The following SH3GL2 variants were observed in gnomAD, a reference collection of about 807,000 sequenced individuals.
The protein encoded by SH3GL2 is SH3 domain containing GRB2 like 2, endophilin A1.
Under a neutral mutation model 46.0 loss-of-function variants are expected in SH3GL2, and 24 were observed. The observed-to-expected ratio is 0.52, with a 90% CI of 0.38 to 0.73. SH3GL2 has a LOEUF of 0.73. Among genes scored for constraint, SH3GL2 ranks in the 30% least tolerant of loss-of-function variants. The pLI is 0.00. For missense variants in SH3GL2, 413 were observed against 424.2 expected (o/e 0.97, Z 0.23); for synonymous variants, 196 against 147.1 (o/e 1.33, Z -2.40).
intron 2 of SH3GL2, among the ~76,000 whole-genome samples, chr9:17,747,959 C>G (rs1187921818): frequency 2.0e-5 from 3 of 152,130 alleles, no homozygotes; most frequent in Non-Finnish European, 4.4e-5. Flanking sequence ...CAGGCATGAA[C>G]CACTGCACCC....
At chr9:17,663,687 A>AATTGTTCCAAGG (rs1441051126) in intron 1 of SH3GL2, among the ~76,000 whole-genome samples, 1 of 152,230 alleles carries the variant, frequency 6.6e-6, no homozygotes, top group Non-Finnish European at 1.5e-5. Context: ...GTATAAATTT[A>AATTGTTCCAAGG]CTGAGGAACA....
At chr9:17,581,919 G>C (rs752089942) in intron 1 of SH3GL2, among the ~76,000 whole-genome samples, 4 of 152,038 alleles carry the variant, frequency 2.6e-5, no homozygotes, top group South Asian at 2.1e-4. Flanking sequence ...GGCTGGTCTC[G>C]AACTCCTGAC....
At chr9:17,792,000 A>T in intron 7 of SH3GL2, among the ~76,000 whole-genome samples, 1 of 152,136 alleles carries the variant, frequency 6.6e-6, no homozygotes, top group East Asian at 1.9e-4. Flanking sequence ...ATGTTATAAT[A>T]TGTGTTATTT....
chr9:17,623,046 C>T (rs1444762650), intron 1 of SH3GL2, among the ~76,000 whole-genome samples: 1 of 41,266 alleles, frequency 2.4e-5, no homozygotes, highest in Non-Finnish European at 5.6e-5. Context: ...CTTTCCTTCC[C>T]CTTCCCCTTC....
intron 1 of SH3GL2, among the ~76,000 whole-genome samples, chr9:17,734,653 A>G (rs887050050): frequency 7.2e-5 from 11 of 152,160 alleles, no homozygotes; most frequent in Non-Finnish European, 1.2e-4. Context: ...ATGTCACAAC[A>G]TGAGGAACCT....
intron 1 of SH3GL2, among the ~76,000 whole-genome samples, chr9:17,652,785 T>C (rs528488475): frequency 1.3e-5 from 2 of 152,320 alleles, no homozygotes; most frequent in East Asian, 3.9e-4. Flanking sequence ...TATCAGTTGC[T>C]ATGGGAAACA....
intron 1 of SH3GL2, among the ~76,000 whole-genome samples, chr9:17,629,287 A>G (rs1819366061): frequency 1.3e-5 from 2 of 152,048 alleles, no homozygotes; most frequent in Non-Finnish European, 2.9e-5. Context: ...TTATAATTTC[A>G]TGATAGAAAT....
At chr9:17,644,245 G>T (rs978003247) in intron 1 of SH3GL2, among the ~76,000 whole-genome samples, 1 of 151,230 alleles carries the variant, frequency 6.6e-6, no homozygotes, top group Non-Finnish European at 1.5e-5. Flanking sequence ...TATTAGTCTG[G>T]CTAGCCATCT....
At position 17,769,691 on chromosome 9, in the gene SH3GL2, CT is replaced by C. The variant is rs375911422; in HGVS notation, c.187+8183del. On this transcript the variant is annotated intron_variant, in intron 3 of 8. Transcript: ENST00000380607. ...TAGTTTCTCCTCATCCCTCTCATAC[CT>C]CCTTATATTATTTCCTATCAACATT... 6.7e-3 allele frequency among the ~76,000 whole-genome samples: 1,024 copies of C among 152,210 alleles called. 11 individuals are homozygous for C. Among genetic ancestry groups the C allele is most frequent in the African/African-American group, 0.023 (975 of 41,542 alleles).
chr9:17,761,544 C>G lies in SH3GL2; in HGVS notation c.187+35C>G, dbSNP rs114217040. The G allele has an allele frequency of 1.4e-3, 1,728 of 1,262,776 alleles. 22 individuals carry two copies. In the African/African-American group the frequency reaches 0.023, roughly 17 times the overall value. The allele number at this position is 1,262,776 out of a possible 1,614,324, so 78.2% of individuals were successfully genotyped here. A position where few individuals can be genotyped will look rare whatever the true frequency, so the allele number is the denominator to read the frequency against. ...CATCTTATATGTTTAAAGGATCCCT[C>G]GAGGTAACTTTTAGTTTCTCTTTGA... is the stretch of plus-strand genomic sequence containing the variant. On this transcript the variant is annotated intron_variant, in intron 3 of 8. Coordinates refer to ENST00000380607, the MANE Select transcript of SH3GL2 (RefSeq NM_003026.5).
chr9:17,684,454 C>T (rs1820853469), intron 1 of SH3GL2, among the ~76,000 whole-genome samples: 1 of 151,948 alleles, frequency 6.6e-6, no homozygotes, highest in East Asian at 1.9e-4. Context: ...CCCCTAAGAG[C>T]TTTAGTACAA....
At chr9:17,690,855 A>C (rs762719391) in intron 1 of SH3GL2, among the ~76,000 whole-genome samples, 6 of 152,164 alleles carry the variant, frequency 3.9e-5, no homozygotes, top group Non-Finnish European at 8.8e-5. Flanking sequence ...GAATTTGTTC[A>C]TGAAGCTTAA....
intron 1 of SH3GL2, among the ~76,000 whole-genome samples, chr9:17,656,506 G>C (rs2117850805): frequency 6.6e-6 from 1 of 152,076 alleles, no homozygotes; most frequent in South Asian, 2.1e-4. Flanking sequence ...TGATGAAAAT[G>C]ATCTGTTGCA....
intron 1 of SH3GL2, among the ~76,000 whole-genome samples, chr9:17,708,519 T>G (rs1337531640): frequency 6.6e-6 from 1 of 152,052 alleles, no homozygotes; most frequent in Non-Finnish European, 1.5e-5. Context: ...AGCTTGACTT[T>G]CTTAGAAATT....
chr9:17,746,095 G>A (rs963613944), intron 1 of SH3GL2, among the ~76,000 whole-genome samples: 1 of 151,788 alleles, frequency 6.6e-6, no homozygotes, highest in African/African-American at 2.4e-5. Flanking sequence ...TTTATTTTTT[G>A]AGACAGAGTC....
intron 3 of SH3GL2, among the ~76,000 whole-genome samples, chr9:17,784,691 T>G (rs934203794): frequency 6.6e-6 from 1 of 152,158 alleles, no homozygotes; most frequent in African/African-American, 2.4e-5. Context: ...ATAATGATAT[T>G]GTTCCCTTAA....
chr9:17,696,421 A>G (rs1179503181), intron 1 of SH3GL2, among the ~76,000 whole-genome samples: 1 of 152,198 alleles, frequency 6.6e-6, no homozygotes, highest in East Asian at 1.9e-4. Context: ...ATATTAGTCC[A>G]TTCTCACACT....
chr9:17,725,150 A>G (rs1821990004), intron 1 of SH3GL2, among the ~76,000 whole-genome samples: 1 of 152,120 alleles, frequency 6.6e-6, no homozygotes, highest in African/African-American at 2.4e-5. Flanking sequence ...TATTTGGTCT[A>G]AGGTTGTGCT....
At chr9:17,719,445 A>G (rs1821839096) in intron 1 of SH3GL2, among the ~76,000 whole-genome samples, 1 of 152,122 alleles carries the variant, frequency 6.6e-6, no homozygotes, top group Non-Finnish European at 1.5e-5. Context: ...TCTAGAGTAT[A>G]AAGTTAAGCT....
Sources: gnomAD v4.1 joint callset for allele counts (sites outside exome capture counted in the v4.1 genomes callset) on GRCh38, gnomAD v4.1.1 for gene constraint, MANE v1.5 for transcripts, NCBI Gene and HGNC (gene_info 2026-07-23, HGNC 2026-07-21) for gene names.